The following SCIN variants were observed in gnomAD, a reference collection of about 807,000 sequenced individuals.
SCIN encodes adseverin.
SCIN carries 91 observed loss-of-function variants against 91.8 expected under a neutral mutation model. The observed-to-expected ratio is 0.99, with a 90% CI of 0.84 to 1.18. The LOEUF (loss-of-function observed/expected upper bound fraction) is 1.18, where lower values mean the gene tolerates loss of function less well. SCIN is among the 50% of genes most tolerant of loss of function. The probability of loss-of-function intolerance (pLI) is 0.00; values close to 1 mark genes in which losing one functional copy is unlikely to be tolerated. For synonymous variants in SCIN, 367 were observed against 312.6 expected (o/e 1.17, Z -1.84); for missense variants, 1,087 against 863.9 (o/e 1.26, Z -3.24).
chr7:12,628,032 C>CGTGT lies in SCIN; in HGVS notation c.1198-1038_1198-1035dup, dbSNP rs59555647. ...CTGAGAACTTAGGCAAGTGTGCGCGCGTGTGTGTGTGTGTGTGTGTGTGTG... is the reference window on the plus strand; with the variant it reads ...CTGAGAACTTAGGCAAGTGTGCGCGCGTGTGTGTGTGTGTGTGTGTGTGTGTGTG... On this transcript the variant is annotated intron_variant, in intron 8 of 15. Transcript: ENST00000297029. Among the ~76,000 whole-genome samples the CGTGT allele has an allele frequency of 1.6e-3, 227 of 146,392 alleles. 1 individual carries two copies. Among genetic ancestry groups the CGTGT allele is most frequent in the African/African-American group, 4.8e-3 (186 of 39,014 alleles).
chr7:12,632,083 C>CATTTTATTTT (rs55811230), intron 9 of SCIN, among the ~76,000 whole-genome samples: 4,718 of 120,710 alleles, frequency 0.039, 200 homozygotes, highest in East Asian at 0.091. Flanking sequence ...GATTGGTTTT[C>CATTTTATTTT]ATTTTATTTT....
intron 1 of SCIN, chr7:12,571,708 GTTATTAT>G (rs1363844193): frequency 7.1e-6 from 2 of 282,370 alleles, no homozygotes; most frequent in African/African-American, 2.3e-5. Flanking sequence ...CTGCTTTATT[GTTATTAT>G]TTATTATTTA....
At chr7:12,631,122 G>T (rs548729572) in intron 9 of SCIN, among the ~76,000 whole-genome samples, 2 of 152,152 alleles carry the variant, frequency 1.3e-5, no homozygotes, top group Admixed American at 6.5e-5. Flanking sequence ...TGCCTATGTG[G>T]ACATATTAAA....
At chr7:12,578,909 G>GTTTTTTGTTTTTTTTTTTTTTTTT (rs1782428970) in intron 2 of SCIN, among the ~76,000 whole-genome samples, 1 of 85,898 alleles carries the variant, frequency 1.2e-5, no homozygotes, top group African/African-American at 5.2e-5. Flanking sequence ...TATAGGACAG[G>GTTTTTTGTTTTTTTTTTTTTTTTT]TTTTTTTTTT....
intron 3 of SCIN, among the ~76,000 whole-genome samples, chr7:12,587,243 A>T (rs1018589505): frequency 1.3e-5 from 2 of 152,246 alleles, no homozygotes; most frequent in African/African-American, 4.8e-5. Context: ...AAAAAGGAAT[A>T]AAGGTGAATT....
Position 12,659,536 on chromosome 7 carries a change from A to C in SCIN, c.*6821A>C, listed in dbSNP as rs1204440616. ...CACCATGATGGCTTTATATTAATGA[A>C]GGAAATAAGTTGCAGGATAAGTATA... On this transcript the variant is annotated 3_prime_UTR_variant, in exon 16 of 16. Transcript: ENST00000297029. The C allele has an allele frequency of 6.6e-6, 1 of 152,244 alleles. No homozygotes were observed. Among genetic ancestry groups the C allele is most frequent in the Non-Finnish European group, 1.5e-5 (1 of 68,050 alleles). The allele number at this position is 152,244 out of a possible 1,614,324, so 9.4% of individuals were successfully genotyped here.
Position 12,581,210 on chromosome 7 carries a change from G to T in SCIN, c.505G>T (p.Asp169Tyr). Residue 169 changes from aspartate to tyrosine, a missense_variant, in exon 3 of 16, where the codon GAC becomes TAC. By Grantham distance (160) the Asp-to-Tyr change is radical (BLOSUM62 -3). Coordinates refer to ENST00000297029, the MANE Select transcript of SCIN (RefSeq NM_001112706.3). The part of the protein sequence containing the change: ...SFNKGDCFII[D>Y]LGTEIYQWCG... ...CAACAAGGGTGACTGCTTCATCATT[G>T]ACCTTGGCACCGTAAGTTTCATATA... is the stretch of plus-strand genomic sequence containing the variant. 2 of 1,551,270 alleles carry T rather than the reference G, an allele frequency of 1.3e-6. No homozygotes were observed. The highest frequency in any genetic ancestry group is 1.7e-4 in the Middle Eastern group (1 of 5,980).
chr7:12,614,730 T>C (rs975449251), intron 4 of SCIN, among the ~76,000 whole-genome samples: 27 of 152,136 alleles, frequency 1.8e-4, no homozygotes, highest in African/African-American at 6.5e-4. Flanking sequence ...GTTCTTAATG[T>C]CCCAGAACCT....
chr7:12,642,362 T>A (rs554251050), intron 11 of SCIN, among the ~76,000 whole-genome samples: 1 of 152,244 alleles, frequency 6.6e-6, no homozygotes, highest in African/African-American at 2.4e-5. Context: ...TTTATTTTTC[T>A]ATCTGGAATC....
chr7:12,605,137 T>C lies in SCIN; in HGVS notation c.666+474T>C, dbSNP rs143692286. Among the ~76,000 whole-genome samples the C allele has an allele frequency of 9.3e-3, 1,417 of 152,214 alleles. 11 individuals are homozygous for C. The highest frequency in any genetic ancestry group is 0.024 in the Middle Eastern group (7 of 294). On this transcript the variant is annotated intron_variant, in intron 4 of 15. Coordinates refer to ENST00000297029, the MANE Select transcript of SCIN (RefSeq NM_001112706.3). Reference sequence around the variant, plus strand: ...CACGATCTCCACTCACTGCAAGCTCTGCCTCCCGGGTTCACGCCATTCTCC... The same window carrying C: ...CACGATCTCCACTCACTGCAAGCTCCGCCTCCCGGGTTCACGCCATTCTCC...
chr7:12,625,645 C>A, intron 6 of SCIN, 117 bp from the exon 7 acceptor site: 3 of 790,270 alleles, frequency 3.8e-6, no homozygotes, highest in Non-Finnish European at 6.0e-6. Context: ...GCTATTCTTT[C>A]ACTGCTGTAT....
chr7:12,577,849 C>G, intron 1 of SCIN: 2 of 452,398 alleles, frequency 4.4e-6, no homozygotes, highest in Non-Finnish European at 7.6e-6. Context: ...GAGCAACACC[C>G]TCTCTCAAAA....
intron 3 of SCIN, among the ~76,000 whole-genome samples, chr7:12,590,380 G>C (rs1400444691): frequency 6.6e-6 from 1 of 152,134 alleles, no homozygotes; most frequent in African/African-American, 2.4e-5. Context: ...AAGTAACAGA[G>C]CATATAGGAC....
At chr7:12,573,953 A>G (rs1782319394) in intron 1 of SCIN, among the ~76,000 whole-genome samples, 1 of 152,180 alleles carries the variant, frequency 6.6e-6, no homozygotes, top group Non-Finnish European at 1.5e-5. Context: ...GGGTGGGTAC[A>G]TGCAATGGTA....
intron 3 of SCIN, among the ~76,000 whole-genome samples, chr7:12,591,330 T>G (rs1782717898): frequency 6.6e-6 from 1 of 152,154 alleles, no homozygotes; most frequent in Non-Finnish European, 1.5e-5. Context: ...TTATGAGAAC[T>G]GTGGACGGTG....
intron 3 of SCIN, among the ~76,000 whole-genome samples, chr7:12,598,334 G>A (rs1386306450): frequency 6.6e-6 from 1 of 151,870 alleles, no homozygotes; most frequent in Middle Eastern, 3.4e-3. Flanking sequence ...TGAATACAAA[G>A]TTTCCTTCTG....
chr7:12,633,463 G>T (rs1355873567), intron 9 of SCIN, among the ~76,000 whole-genome samples: 2 of 152,170 alleles, frequency 1.3e-5, no homozygotes, highest in African/African-American at 4.8e-5. Flanking sequence ...TGATTGGAGT[G>T]GAATACTTGA....
intron 8 of SCIN, among the ~76,000 whole-genome samples, chr7:12,628,509 T>A (rs1783575989): frequency 6.6e-6 from 1 of 152,190 alleles, no homozygotes; most frequent in South Asian, 2.1e-4. Flanking sequence ...GGGCACTAAT[T>A]TCACTCATGA....
intron 4 of SCIN, among the ~76,000 whole-genome samples, chr7:12,619,552 A>G (rs931503421): frequency 6.6e-6 from 1 of 152,144 alleles, no homozygotes; most frequent in South Asian, 2.1e-4. Context: ...ATAGTAGGGA[A>G]AGAAATAAAC....
Sources: gnomAD v4.1 joint callset for allele counts (sites outside exome capture counted in the v4.1 genomes callset) on GRCh38, gnomAD v4.1.1 for gene constraint, MANE v1.5 for transcripts, NCBI Gene and HGNC (gene_info 2026-07-23, HGNC 2026-07-21) for gene names.